ZNF12: variants seen among roughly 807,000 people sequenced by gnomAD.
ZNF12 encodes the protein gonadotropin inducible transcription repressor 3.
Under a neutral mutation model 66.6 loss-of-function variants are expected in ZNF12, and 34 were observed. That is an observed-to-expected ratio of 0.51 (90% CI 0.39 to 0.68). The LOEUF is 0.68. Among genes scored for constraint, ZNF12 ranks in the 30% least tolerant of loss-of-function variants. ZNF12 has a pLI of 0.00. For synonymous variants in ZNF12, 320 were observed against 278.9 expected (o/e 1.15, Z -1.47); for missense variants, 697 against 826.9 (o/e 0.84, Z 1.93).
At chr7:6,702,056 G>A (rs1780252869) in intron 2 of ZNF12, among the ~76,000 whole-genome samples, 1 of 151,672 alleles carries the variant, frequency 6.6e-6, no homozygotes, top group South Asian at 2.1e-4. Context: ...CAGCCACAGG[G>A]CCTCAGAGAG....
intron 2 of ZNF12, among the ~76,000 whole-genome samples, chr7:6,701,199 A>G (rs940120126): frequency 2.0e-5 from 3 of 152,180 alleles, no homozygotes; most frequent in Admixed American, 6.5e-5. Flanking sequence ...TTTCCCAGGC[A>G]TTGACCAGAA....
Position 6,691,956 on chromosome 7 carries a change from T to C in ZNF12, c.986A>G (p.Glu329Gly). 1 of 1,614,148 alleles carries C rather than the reference T, an allele frequency of 6.2e-7. No individual in the cohort carries two copies. The highest frequency in any genetic ancestry group is 8.5e-7 in the Non-Finnish European group (1 of 1,180,004). ...HTGEKPYECN[E>G]CGKNFYQKLH... Reference sequence around the variant, plus strand: ...CTTCTGGTAAAAGTTCTTCCCACATTCATTACATTCATAGGGCTTCTCCCC... The same window carrying C: ...CTTCTGGTAAAAGTTCTTCCCACATCCATTACATTCATAGGGCTTCTCCCC... Residue 329 changes from glutamate (E) to glycine (G), a missense_variant, in exon 5 of 5, where the codon GAA (glutamate) becomes GGA (glycine). Physicochemically the swap from Glu to Gly is moderately conservative, Grantham distance 98 (BLOSUM62 -2). Coordinates refer to ENST00000405858, the MANE Select transcript of ZNF12 (RefSeq NM_016265.4).
Position 6,697,823 on chromosome 7 carries a change from C to T in ZNF12, c.16-12G>A. On this transcript the variant is annotated splice_polypyrimidine_tract_variant and intron_variant, in intron 2 of 4. Coordinates refer to ENST00000405858, the MANE Select transcript of ZNF12 (RefSeq NM_016265.4). This position sits in a 1 kb window ranked among gnomAD's most constrained non-coding sequence, Gnocchi z 6.1. ...AATGACACTGGCCCCTGAAATGGCACCGTGATTGGAATTGGGTGACGTGAA... is the reference window on the plus strand; with the variant it reads ...AATGACACTGGCCCCTGAAATGGCATCGTGATTGGAATTGGGTGACGTGAA... 6.2e-7 allele frequency: 1 copy of T among 1,614,002 alleles called. No homozygotes were observed. Among genetic ancestry groups the T allele is most frequent in the South Asian group, 1.1e-5 (1 of 91,084 alleles).
intron 2 of ZNF12, chr7:6,700,971 T>C (rs535310279): frequency 6.7e-5 from 10 of 150,186 alleles, no homozygotes; most frequent in East Asian, 5.8e-4. Flanking sequence ...TTTGTTCGTT[T>C]GTTCATTCAT....
At position 6,692,592 on chromosome 7, in the gene ZNF12, G is replaced by A; in HGVS notation, c.350C>T (p.Pro117Leu). ...ETLIEERGNV[P>L]GKTFDVETNP... ...CGTTTCTACATCAAAAGTTTTACCA[G>A]GAACATTACCTCTCTCTTCAATCAG... is the stretch of plus-strand genomic sequence containing the variant. Residue 117 changes from proline to leucine, a missense_variant, in exon 5 of 5, where the codon CCT becomes CTT. Physicochemically the swap from Pro to Leu is moderately conservative, Grantham distance 98. Around this residue, in one of 3 missense-constraint regions of ZNF12, gnomAD observed 241 missense variants for 224.0 expected, o/e 1.08. Transcript: ENST00000405858. The surrounding 1 kb of genome is among the most constrained non-coding windows in gnomAD (Gnocchi z 5.1). 1 of 1,613,836 alleles carries A rather than the reference G, an allele frequency of 6.2e-7. No homozygotes were observed. The highest frequency in any genetic ancestry group is 8.5e-7 in the Non-Finnish European group (1 of 1,179,828).
chr7:6,705,342 C>A lies in ZNF12; in HGVS notation c.-50-119G>T. The A allele has an allele frequency of 1.5e-6, 1 of 684,898 alleles. No individual in the cohort carries two copies. The highest frequency in any genetic ancestry group is 1.8e-5 in the South Asian group (1 of 54,868). 42.4% of individuals were successfully genotyped at this position (684,898 alleles called of 1,614,324 possible). A position where few individuals can be genotyped will look rare whatever the true frequency, so the allele number is the denominator to read the frequency against. Reference sequence around the variant, plus strand: ...AAGTACATCTTGTGGGAGACTGTCCCTTTAAGCCTTCAGAAGGGATTGGAA... The same window carrying A: ...AAGTACATCTTGTGGGAGACTGTCCATTTAAGCCTTCAGAAGGGATTGGAA... On this transcript the variant is annotated intron_variant, in intron 1 of 4. Transcript: ENST00000405858. This position sits in a 1 kb window ranked among gnomAD's most constrained non-coding sequence, Gnocchi z 4.0.
At chr7:6,706,296 C>A in intron 1 of ZNF12, 136 bp downstream of exon 1, 1 of 420,842 alleles carries the variant, frequency 2.4e-6, no homozygotes, top group South Asian at 1.7e-5. Flanking sequence ...CCTCGCCGGA[C>A]CCTGCCTTCA....
rs572843281 is a variant in ZNF12, at chr7:6,695,144, T to C, written c.238+2195A>G. Among the ~76,000 whole-genome samples the C allele has an allele frequency of 2.8e-3, 425 of 152,348 alleles. 3 individuals carry two copies. The highest frequency in any genetic ancestry group is 9.8e-3 in the African/African-American group (407 of 41,574). On this transcript the variant is annotated intron_variant, in intron 4 of 4. Coordinates refer to ENST00000405858, the MANE Select transcript of ZNF12 (RefSeq NM_016265.4). ...ATTGGCCAGGCTGGTCTCAAACTCC[T>C]GACCTCATGATCTGCCCGCCTCGGC...
At chr7:6,704,404 C>G (rs1333249750) in intron 2 of ZNF12, 1 of 151,082 alleles carries the variant, frequency 6.6e-6, no homozygotes, top group Non-Finnish European at 1.5e-5. Flanking sequence ...TAAAAAGAAT[C>G]TACCTTTGAG....
chr7:6,705,140 C>T lies in ZNF12; in HGVS notation c.15+19G>A, dbSNP rs531832369. The T allele has an allele frequency of 1.9e-5, 31 of 1,612,874 alleles. No homozygotes were observed. Among genetic ancestry groups the T allele is most frequent in the Admixed American group, 8.4e-5 (5 of 59,848 alleles). On this transcript the variant is annotated intron_variant, in intron 2 of 4. Transcript: ENST00000405858. This position sits in a 1 kb window ranked among gnomAD's most constrained non-coding sequence, Gnocchi z 4.0. ...TGTAAATCAGAGTAGAGAATAAATA[C>T]ATGAACAGAAACACTCACCAGGGAT... is the stretch of plus-strand genomic sequence containing the variant.
rs747805953 is a variant in ZNF12, at chr7:6,698,785, A to G, written c.16-974T>C. Among the ~76,000 whole-genome samples, 2 of 152,208 alleles carry G rather than the reference A, an allele frequency of 1.3e-5. No individual in the cohort carries two copies. The highest frequency in any genetic ancestry group is 2.4e-5 in the African/African-American group (1 of 41,466). ...CTGACCTGGAAACTGTCAAAACCACATCTATAAATGTGTATCTTTTGAATA... is the reference window on the plus strand; with the variant it reads ...CTGACCTGGAAACTGTCAAAACCACGTCTATAAATGTGTATCTTTTGAATA... On this transcript the variant is annotated intron_variant, in intron 2 of 4. Coordinates refer to ENST00000405858, the MANE Select transcript of ZNF12 (RefSeq NM_016265.4). This position sits in a 1 kb window ranked among gnomAD's most constrained non-coding sequence, Gnocchi z 4.4.
In ZNF12 at chr7:6,689,294, T is replaced by C. The variant is rs916731345; in HGVS notation, c.*1554A>G. On this transcript the variant is annotated 3_prime_UTR_variant, in exon 5 of 5. Transcript: ENST00000405858. ...CAGGCCATGATTAAACTATAATCCA[T>C]TGCTGAAAGATGGTTACCAGGCACC... 3.9e-5 allele frequency: 6 copies of C among 152,220 alleles called. No individual in the cohort carries two copies. The highest frequency in any genetic ancestry group is 7.3e-5 in the Non-Finnish European group (5 of 68,040). 9.4% of individuals were successfully genotyped at this position (152,220 alleles called of 1,614,324 possible). A position where few individuals can be genotyped will look rare whatever the true frequency, so the allele number is the denominator to read the frequency against.
At chr7:6,703,402 G>A (rs1447200821) in intron 2 of ZNF12, among the ~76,000 whole-genome samples, 1 of 152,152 alleles carries the variant, frequency 6.6e-6, no homozygotes, top group Non-Finnish European at 1.5e-5. Context: ...CAGCAGGGAG[G>A]GGATAGGGGA....
Position 6,706,851 on chromosome 7 carries a change from CCAGCCCCG to C in ZNF12, c.-478_-471del. On this transcript the variant is annotated 5_prime_UTR_variant, in exon 1 of 5. Transcript: ENST00000405858. ...GGGTGCCGGCCCGGCTCTTCGGCGC[CCAGCCCCG>C]CAGGCTCCGCGATTCTCGCCCACCG... 5 of 373,682 alleles carry C rather than the reference CCAGCCCCG, an allele frequency of 1.3e-5. No homozygotes were observed. The highest frequency in any genetic ancestry group is 9.1e-5 in the South Asian group (5 of 54,832). The allele number at this position is 373,682 out of a possible 1,614,324, so 23.1% of individuals were successfully genotyped here.
intron 2 of ZNF12, among the ~76,000 whole-genome samples, chr7:6,700,178 G>A (rs1008382128): frequency 4.6e-5 from 7 of 151,610 alleles, no homozygotes; most frequent in South Asian, 4.2e-4. Context: ...CCAGCTACTC[G>A]GGAGGCTGAG....
intron 4 of ZNF12, among the ~76,000 whole-genome samples, chr7:6,695,356 A>G (rs1255793668): frequency 6.6e-6 from 1 of 152,166 alleles, no homozygotes; most frequent in African/African-American, 2.4e-5. Context: ...TGCAAAATAT[A>G]TGGGGATGTG....
intron 2 of ZNF12, chr7:6,704,344 G>C (rs1018135220): frequency 6.6e-5 from 10 of 150,680 alleles, no homozygotes; most frequent in Admixed American, 1.3e-4. Flanking sequence ...AAAATATTTA[G>C]GGAGACTAAT....
intron 4 of ZNF12, among the ~76,000 whole-genome samples, chr7:6,694,411 C>T (rs1383324094): frequency 6.6e-6 from 1 of 152,178 alleles, no homozygotes; most frequent in Admixed American, 6.5e-5. Context: ...CAATACTTTT[C>T]ACCACCTGGG....
rs137910048 is a variant in ZNF12, at chr7:6,694,386, A to T, written c.239-1683T>A. Among the ~76,000 whole-genome samples the T allele has an allele frequency of 6.7e-4, 102 of 152,304 alleles. 1 individual carries two copies. The highest frequency in any genetic ancestry group is 2.4e-3 in the African/African-American group (98 of 41,570). ...CAAAATATCAACAGATCAAATGAGA[A>T]AAAAATCTGAGAGACAATACTTTTC... On this transcript the variant is annotated intron_variant, in intron 4 of 4. Transcript: ENST00000405858.
Sources: gnomAD v4.1 joint callset for allele counts (sites outside exome capture counted in the v4.1 genomes callset) on GRCh38, gnomAD v4.1.1 for gene constraint, gnomAD v4.1.1 regional missense constraint, Gnocchi (gnomAD v3.1) non-coding constraint, MANE v1.5 for transcripts, NCBI Gene and HGNC (gene_info 2026-07-23, HGNC 2026-07-21) for gene names.